Variants in PNPLA7 observed in about 807,000 individuals in gnomAD.
PNPLA7 encodes the protein patatin-like phospholipase domain-containing protein 7.
PNPLA7 carries 153 observed loss-of-function variants against 161.7 expected under a neutral mutation model. The observed-to-expected ratio is 0.95, with a 90% CI of 0.83 to 1.08. The LOEUF (loss-of-function observed/expected upper bound fraction) is 1.08, where lower values mean the gene tolerates loss of function less well. Ranked by LOEUF, PNPLA7 falls within the 50% of genes least tolerant of loss-of-function variation. The pLI is 0.00. For synonymous variants in PNPLA7, 809 were observed against 782.1 expected (o/e 1.03, Z -0.57); for missense variants, 1,739 against 1,856.6 (o/e 0.94, Z 1.16).
At chr9:137,494,216 C>T (rs925265779) in intron 19 of PNPLA7, among the ~76,000 whole-genome samples, 5 of 152,164 alleles carry the variant, frequency 3.3e-5, no homozygotes, top group Admixed American at 2.6e-4. Context: ...CCTTCCTGGG[C>T]GCTCTCCTCA....
chr9:137,521,457 G>A (rs548089006), intron 10 of PNPLA7, among the ~76,000 whole-genome samples, 179 bp downstream of exon 10: 54 of 152,340 alleles, frequency 3.5e-4, no homozygotes, highest in Admixed American at 7.8e-4. Context: ...TTTAAGGTAG[G>A]AGAATAAACA....
At chr9:137,535,919 G>A (rs1264769863) in intron 8 of PNPLA7, among the ~76,000 whole-genome samples, 2 of 151,944 alleles carry the variant, frequency 1.3e-5, no homozygotes, top group Non-Finnish European at 2.9e-5. Flanking sequence ...TTGGGAGGCC[G>A]AGGCGGGCAG....
intron 25 of PNPLA7, among the ~76,000 whole-genome samples, chr9:137,471,765 T>C (rs28668840): frequency 0.014 from 2,131 of 152,082 alleles, 61 homozygotes; most frequent in African/African-American, 0.048. Context: ...GTCTAGATTG[T>C]GGGCTGGAAG....
At chr9:137,473,972 C>T (rs1285508338) in intron 25 of PNPLA7, among the ~76,000 whole-genome samples, 5 of 152,210 alleles carry the variant, frequency 3.3e-5, no homozygotes, top group African/African-American at 7.2e-5. Flanking sequence ...GGTGCAGTGG[C>T]TCACACCTGT....
chr9:137,480,687 G>A, intron 22 of PNPLA7: 1 of 728,846 alleles, frequency 1.4e-6, no homozygotes, highest in Non-Finnish European at 2.2e-6. Flanking sequence ...CAGAGGCTGA[G>A]GCTCGTTGAG....
In PNPLA7 at chr9:137,461,577, A is replaced by G. The variant is rs1831198790; in HGVS notation, c.3800T>C (p.Ile1267Thr). The G allele has an allele frequency of 1.9e-6, 3 of 1,612,664 alleles. No homozygotes were observed. Among genetic ancestry groups the G allele is most frequent in the South Asian group, 2.2e-5 (2 of 91,028 alleles). The change falls in exon 33 of 35, where the codon ATT becomes ACT. Residue 1267 changes from isoleucine to threonine, a missense_variant. Ile to Thr is a moderately conservative substitution (Grantham distance 89). Around this residue, in one of 6 missense-constraint regions of PNPLA7, gnomAD observed 703 missense variants for 694.6 expected, o/e 1.01. Transcript: ENST00000406427. ...PNASFTDLAE[I>T]VSRIEPAKPA... ...CTTGGCGGGCTCAATGCGAGACACA[A>G]TTTCGGCAAGGTCCGTGAAGGAGGC... is the stretch of plus-strand genomic sequence containing the variant.
At chr9:137,492,629 T>G (rs1236181289) in intron 20 of PNPLA7, among the ~76,000 whole-genome samples, 4 of 11,030 alleles carry the variant, frequency 3.6e-4, no homozygotes, top group Middle Eastern at 0.036. Flanking sequence ...GCCCATGAGC[T>G]GGGTGGGTGG....
At chr9:137,545,440 C>T (rs1443786342) in intron 4 of PNPLA7, among the ~76,000 whole-genome samples, 4 of 152,180 alleles carry the variant, frequency 2.6e-5, no homozygotes, top group Non-Finnish European at 4.4e-5. Flanking sequence ...CCACTGGGCC[C>T]CAGTGATGTT....
Position 137,500,793 on chromosome 9 carries a change from A to G in PNPLA7, c.1655T>C (p.Met552Thr), listed in dbSNP as rs1833358001. Residue 552 changes from methionine to threonine, a missense_variant, in exon 16 of 35, where the codon ATG becomes ACG. By Grantham distance (81) the Met-to-Thr change is moderately conservative (BLOSUM62 -1). Coordinates refer to ENST00000406427, the MANE Select transcript of PNPLA7 (RefSeq NM_001098537.3). The surrounding 1 kb of genome is among the most constrained non-coding windows in gnomAD (Gnocchi z 5.5). The stretch of plus-strand genomic sequence containing the variant: ...GGTGAGCACGGCCAGCTGGCCCACC[A>G]TCTCCCCGGGGCGCGTGAGGAACAA... ...TCLFLTRPGE[M>T]VGQLAVLTGE... 1.2e-6 allele frequency: 2 copies of G among 1,611,190 alleles called. No homozygotes were observed. Among genetic ancestry groups the G allele is most frequent in the South Asian group, 1.1e-5 (1 of 90,666 alleles).
At position 137,485,325 on chromosome 9, in the gene PNPLA7, C is replaced by T. The variant is rs577066604; in HGVS notation, c.2198-589G>A. ...GCCTCATCGGAGTAAACCAGACAAA[C>T]GCTGCAGGTAAGGCCTCACTGGAGT... On this transcript the variant is annotated intron_variant, in intron 20 of 34. Transcript: ENST00000406427. 9.2e-5 allele frequency among the ~76,000 whole-genome samples: 14 copies of T among 151,758 alleles called. No individual in the cohort carries two copies. The South Asian group carries it at 1.7e-3, about 18-fold the overall frequency.
chr9:137,479,317 A>C, intron 23 of PNPLA7, 79 bp from the exon 24 acceptor site: 1 of 1,399,188 alleles, frequency 7.1e-7, no homozygotes, highest in Admixed American at 2.9e-5. Context: ...GCCAGCACAG[A>C]GGGTCTGAGG....
In PNPLA7 at chr9:137,546,952, C is replaced by T. The variant is rs540261222; in HGVS notation, c.194-43G>A. On this transcript the variant is annotated intron_variant, in intron 3 of 34. Coordinates refer to ENST00000406427, the MANE Select transcript of PNPLA7 (RefSeq NM_001098537.3). ...GATGGCCTGAGGTAGAGCCGTGGCA[C>T]AGGCCTGGTCCTGGACATGCAGGTG... 210 of 1,586,390 alleles carry T rather than the reference C, an allele frequency of 1.3e-4. 4 individuals carry two copies. In the South Asian group the frequency reaches 2.2e-3, roughly 16 times the overall value.
At position 137,520,976 on chromosome 9, in the gene PNPLA7, A is replaced by G. The variant is rs554505617; in HGVS notation, c.957+660T>C. ...GACGTAGGGACCCCACGGGACGGGCATGGGGAGAGGCAGCCTCTGCTGGAT... is the reference window on the plus strand; with the variant it reads ...GACGTAGGGACCCCACGGGACGGGCGTGGGGAGAGGCAGCCTCTGCTGGAT... On this transcript the variant is annotated intron_variant, in intron 10 of 34. Coordinates refer to ENST00000406427, the MANE Select transcript of PNPLA7 (RefSeq NM_001098537.3). This position sits in a 1 kb window ranked among gnomAD's most constrained non-coding sequence, Gnocchi z 5.2. 1.4e-3 allele frequency among the ~76,000 whole-genome samples: 217 copies of G among 151,338 alleles called. No individual in the cohort carries two copies. Among genetic ancestry groups the G allele is most frequent in the African/African-American group, 5.1e-3 (209 of 41,200 alleles).
At chr9:137,494,964 C>T (rs1389414133) in intron 19 of PNPLA7, 69 bp downstream of exon 19, 2 of 1,409,020 alleles carry the variant, frequency 1.4e-6, no homozygotes, top group African/African-American at 1.4e-5. Flanking sequence ...GCTCCGCCCT[C>T]ACCTGTTCCA....
Position 137,543,484 on chromosome 9 carries a change from C to T in PNPLA7, c.454G>A (p.Val152Met), listed in dbSNP as rs139117069. ...LLEADLTEFD[V>M]KNSHLPSEVL... Reference sequence around the variant, plus strand: ...TCCGATGGCAGGTGAGAATTCTTCACGTCAAACTCCGTGAGGTCGGCCTCC... The same window carrying T: ...TCCGATGGCAGGTGAGAATTCTTCATGTCAAACTCCGTGAGGTCGGCCTCC... Residue 152 changes from valine (V) to methionine (M), a missense_variant, in exon 6 of 35, where the codon GTG (valine) becomes ATG (methionine). By Grantham distance (21) the Val-to-Met change is conservative. This residue lies in a region of PNPLA7 where 209 missense variants were observed against 252.8 expected (regional missense o/e 0.83). Transcript: ENST00000406427. The surrounding 1 kb of genome is among the most constrained non-coding windows in gnomAD (Gnocchi z 6.9). The T allele has an allele frequency of 1.7e-4, 280 of 1,613,976 alleles. No individual in the cohort carries two copies. The highest frequency in any genetic ancestry group is 2.1e-4 in the Non-Finnish European group (242 of 1,180,038).
chr9:137,478,073 C>A lies in PNPLA7; in HGVS notation c.2843G>T (p.Gly948Val). 7.1e-7 allele frequency: 1 copy of A among 1,406,658 alleles called. No individual in the cohort carries two copies. Among genetic ancestry groups the A allele is most frequent in the Non-Finnish European group, 9.3e-7 (1 of 1,077,896 alleles). The allele number at this position is 1,406,658 out of a possible 1,614,324, so 87.1% of individuals were successfully genotyped here. The stretch of plus-strand genomic sequence containing the variant: ...CCCAAGCACCAGGGCAATGGCGTTG[C>A]CCGTCAGCACCCTCGCCAGGCGGGA... ...DFSRLARVLTGNAIALVLGGG... is the reference protein window; with the variant it reads ...DFSRLARVLTVNAIALVLGGG... The change falls in exon 25 of 35, where the codon GGC becomes GTC. Residue 948 changes from glycine to valine, a missense_variant. Physicochemically the swap from Gly to Val is moderately radical, Grantham distance 109. Transcript: ENST00000406427.
chr9:137,526,222 G>A (rs1472319123), intron 8 of PNPLA7, among the ~76,000 whole-genome samples: 2 of 152,202 alleles, frequency 1.3e-5, no homozygotes, highest in Non-Finnish European at 2.9e-5. Context: ...AAGGACACGG[G>A]AGCCTCATGG....
At chr9:137,508,892 T>C (rs928954094) in intron 12 of PNPLA7, 1 of 151,960 alleles carries the variant, frequency 6.6e-6, no homozygotes, top group Non-Finnish European at 1.5e-5. Context: ...AATAAGAAAA[T>C]GAAAGCTAAG....
At position 137,462,757 on chromosome 9, in the gene PNPLA7, G is replaced by A. The variant is rs146857442; in HGVS notation, c.3420C>T (p.Thr1140=). The A allele has an allele frequency of 2.4e-5, 39 of 1,613,988 alleles. No homozygotes were observed. In the African/African-American group the frequency reaches 4.0e-4, roughly 17 times the overall value. ...ACCCAGACAGCGCATCCCCATAGTTGGTGAGGTCCGTCTCATCTCGGCTGC... is the reference window on the plus strand; with the variant it reads ...ACCCAGACAGCGCATCCCCATAGTTAGTGAGGTCCGTCTCATCTCGGCTGC... ...DVGSRDETDL[T]NYGDALSGWW... is the part of the protein sequence containing the mutation. Residue 1140 remains threonine (T), a synonymous_variant, in exon 30 of 35, where the codon ACC becomes ACT. Coordinates refer to ENST00000406427, the MANE Select transcript of PNPLA7 (RefSeq NM_001098537.3).
Sources: allele counts gnomAD v4.1 joint callset (sites outside exome capture counted in the v4.1 genomes callset), GRCh38; gene constraint gnomAD v4.1.1; regional missense constraint gnomAD v4.1.1; non-coding constraint Gnocchi (gnomAD v3.1); transcripts MANE v1.5; gene names NCBI Gene and HGNC (gene_info 2026-07-23, HGNC 2026-07-21).